ITGA5: variants seen among roughly 807,000 people sequenced by gnomAD.
ITGA5 encodes integrin subunit alpha 5, also known as integrin alpha-5.
A neutral mutation model predicts 146.3 loss-of-function variants in ITGA5; 55 were observed. The observed-to-expected ratio is 0.38, with a 90% CI of 0.30 to 0.47. The LOEUF (loss-of-function observed/expected upper bound fraction) is 0.47. Among genes scored for constraint, ITGA5 ranks in the 20% least tolerant of loss-of-function variants. The pLI is 0.99. For synonymous variants in ITGA5, 500 were observed against 531.8 expected, an observed-to-expected ratio of 0.94 and a Z score of 0.82; for missense variants, 1,131 against 1,329.0, an observed-to-expected ratio of 0.85 and a Z score of 2.32.
At position 54,404,887 on chromosome 12, in the gene ITGA5, G is replaced by A. The variant is rs143802695; in HGVS notation, c.1233C>T (p.Ala411=). The A allele has an allele frequency of 1.3e-5, 20 of 1,574,006 alleles. No homozygotes were observed. The African/African-American group carries it at 2.6e-4, about 20-fold the overall frequency. The change falls in exon 13 of 30, where the codon GCC becomes GCT. Residue 411 remains alanine (A), a synonymous_variant. Coordinates refer to ENST00000293379, the MANE Select transcript of ITGA5 (RefSeq NM_002205.5). ...TCTCCCCACCAAAGGGAGCCCCGAT[G>A]GCCACATCTGGAAGACACAGAACAC... is the stretch of plus-strand genomic sequence containing the variant. ...DLDQDGYNDV[A]IGAPFGGETQ... is the part of the protein sequence containing the mutation.
Position 54,405,888 on chromosome 12 carries a change from G to A in ITGA5, c.945C>T (p.Tyr315=). 1 of 1,614,026 alleles carries A rather than the reference G, an allele frequency of 6.2e-7. No individual in the cohort carries two copies. The highest frequency in any genetic ancestry group is 8.5e-7 in the Non-Finnish European group (1 of 1,179,924). The change falls in exon 10 of 30, where the codon TAC becomes TAT. Residue 315 remains tyrosine (Y), a synonymous_variant. Transcript: ENST00000293379. ...TCCTTACCTGTTCCCCTGAGAAGTTGTAGAGGGATCGAATGTCTGAGCCAT... is the reference window on the plus strand; with the variant it reads ...TCCTTACCTGTTCCCCTGAGAAGTTATAGAGGGATCGAATGTCTGAGCCAT... The part of the protein sequence containing the change: ...ILNGSDIRSL[Y]NFSGEQMASY...
chr12:54,418,997 G>T lies in ITGA5; in HGVS notation c.202C>A (p.Arg68=). The T allele has an allele frequency of 1.5e-5, 24 of 1,602,730 alleles. No homozygotes were observed. Among genetic ancestry groups the T allele is most frequent in the Non-Finnish European group, 2.0e-5 (24 of 1,175,050 alleles). ...CTCACTCACCCGTCTGTTCCCGGCC[G>T]GTAAAACTCCACTGAGAATCCGAAG... ...SFFGFSVEFY[R]PGTDGVSVLV... Residue 68 remains arginine, a synonymous_variant, in exon 1 of 30, where the codon CGG becomes AGG. Transcript: ENST00000293379.
intron 29 of ITGA5, 101 bp from the exon 30 acceptor site, chr12:54,396,477 C>A: frequency 1.1e-6 from 1 of 896,536 alleles, no homozygotes; most frequent in African/African-American, 1.6e-5. Flanking sequence ...TGCCTCCAAC[C>A]TCTACATCCT....
At chr12:54,414,478 C>T (rs951342188) in intron 1 of ITGA5, among the ~76,000 whole-genome samples, 2 of 152,192 alleles carry the variant, frequency 1.3e-5, no homozygotes, top group African/African-American at 4.8e-5. Context: ...ATTATATCAA[C>T]TTATGTGGGA....
Position 54,407,895 on chromosome 12 carries a change from G to T in ITGA5, c.818-19C>A, listed in dbSNP as rs770136821. On this transcript the variant is annotated intron_variant, in intron 7 of 29. Coordinates refer to ENST00000293379, the MANE Select transcript of ITGA5 (RefSeq NM_002205.5). ...GAGTATCCTGGGGGACAGGGTGGGT[G>T]GATGTTAGGATTCCTGCTTTGAGGA... 6.4e-7 allele frequency: 1 copy of T among 1,563,800 alleles called. No individual in the cohort carries two copies. Among genetic ancestry groups the T allele is most frequent in the African/African-American group, 1.4e-5 (1 of 73,840 alleles).
rs1592290929 is a variant in ITGA5, at chr12:54,409,576, G to A, written c.371C>T (p.Ser124Leu). Residue 124 changes from serine (S) to leucine (L), a missense_variant, in exon 3 of 30, where the codon TCA (serine) becomes TTA (leucine). Physicochemically the swap from Ser to Leu is moderately radical, Grantham distance 145. Around this residue, in one of 3 missense-constraint regions of ITGA5, gnomAD observed 175 missense variants for 179.3 expected, o/e 0.98. Coordinates refer to ENST00000293379, the MANE Select transcript of ITGA5 (RefSeq NM_002205.5). This position sits in a 1 kb window ranked among gnomAD's most constrained non-coding sequence, Gnocchi z 4.7. ...CTCCTCTCCCTCTGAGCTGGACAGT[G>A]AGGACTCCAGGAGCCGAGAGCCTTG... ...DSKGSRLLESSLSSSEGEEPV... is the reference protein window; with the variant it reads ...DSKGSRLLESLLSSSEGEEPV... The A allele has an allele frequency of 6.2e-7, 1 of 1,613,244 alleles. No individual in the cohort carries two copies. The highest frequency in any genetic ancestry group is 8.5e-7 in the Non-Finnish European group (1 of 1,179,758).
Position 54,400,834 on chromosome 12 carries a change from T to A in ITGA5, c.2643+12A>T, listed in dbSNP as rs1204817186. The A allele has an allele frequency of 6.2e-7, 1 of 1,613,206 alleles. No individual in the cohort carries two copies. The highest frequency in any genetic ancestry group is 8.5e-7 in the Non-Finnish European group (1 of 1,179,512). On this transcript the variant is annotated intron_variant, in intron 25 of 29. Coordinates refer to ENST00000293379, the MANE Select transcript of ITGA5 (RefSeq NM_002205.5). ...CTGCTCCTCTTCCCCATGCCAGTGT[T>A]CAGGATCTCACCTCCAGGCCCTTTG...
At chr12:54,408,274 T>C (rs748573869) in intron 6 of ITGA5, 39 bp from the exon 7 acceptor site, 1 of 1,609,698 alleles carries the variant, frequency 6.2e-7, no homozygotes. Flanking sequence ...GGAGAGGAAG[T>C]GGCAGAGGGG....
At position 54,408,174 on chromosome 12, in the gene ITGA5, G is replaced by A; in HGVS notation, c.753C>T (p.Ile251=). ...IAESYYPEYL[I]NLVQGQLQTR... ...TCTGCAGCTGCCCCTGAACCAGGTT[G>A]ATCAGGTACTCGGGGTAATAAGATT... The change falls in exon 7 of 30, where the codon ATC becomes ATT. Residue 251 remains isoleucine, a synonymous_variant. Transcript: ENST00000293379. 1 of 1,614,170 alleles carries A rather than the reference G, an allele frequency of 6.2e-7. No individual in the cohort carries two copies. The highest frequency in any genetic ancestry group is 1.1e-5 in the South Asian group (1 of 91,086).
chr12:54,402,182 CT>C lies in ITGA5; in HGVS notation c.2130del (p.Asn712ThrfsTer5). 1 of 1,613,494 alleles carries C rather than the reference CT, an allele frequency of 6.2e-7. No homozygotes were observed. The highest frequency in any genetic ancestry group is 8.5e-7 in the Non-Finnish European group (1 of 1,179,522). On this transcript the variant is annotated frameshift_variant, in exon 20 of 30. Transcript: ENST00000293379. LOFTEE classifies it high-confidence loss of function. ...CCCACTCGAGAGTCTCATCTCACCC[CT>C]GGGTGTCTGACGAGTCCTGAGTACT... ...EAEYSGLVRH[P>X]GNFSSLSCDY...
intron 27 of ITGA5, 144 bp downstream of exon 27, chr12:54,399,501 G>A (rs981934153): frequency 1.5e-6 from 1 of 649,992 alleles, no homozygotes; most frequent in Non-Finnish European, 2.8e-6. Context: ...CATACAGCCT[G>A]GTCTAGACAA....
chr12:54,398,833 C>CT (rs1428509727), intron 27 of ITGA5, 135 bp from the exon 28 acceptor site: 234 of 390,946 alleles, frequency 6.0e-4, no homozygotes, highest in South Asian at 4.1e-3. Flanking sequence ...CTCTCTCTCT[C>CT]TCTTTTTTTT....
intron 7 of ITGA5, 21 bp downstream of exon 7, chr12:54,408,089 C>T (rs760615893): frequency 1.2e-6 from 2 of 1,613,866 alleles, no homozygotes; most frequent in South Asian, 1.1e-5. Context: ...TCTGCCATCC[C>T]TTCCCCACTT....
Position 54,395,972 on chromosome 12 carries a change from T to C in ITGA5, c.*321A>G, listed in dbSNP as rs907283831. 3.9e-6 allele frequency: 1 copy of C among 255,648 alleles called. No homozygotes were observed. The highest frequency in any genetic ancestry group is 7.6e-6 in the Non-Finnish European group (1 of 131,090). 15.8% of individuals were successfully genotyped at this position (255,648 alleles called of 1,614,324 possible). The stretch of plus-strand genomic sequence containing the variant: ...CCCAAAGAACTGTGAATGGATTTCC[T>C]AGTTATCTTTCCAAGTTGTTTCAGG... On this transcript the variant is annotated 3_prime_UTR_variant, in exon 30 of 30. Coordinates refer to ENST00000293379, the MANE Select transcript of ITGA5 (RefSeq NM_002205.5).
chr12:54,404,076 T>A (rs1367741967), intron 15 of ITGA5, 69 bp downstream of exon 15: 2 of 1,564,528 alleles, frequency 1.3e-6, no homozygotes, highest in Middle Eastern at 1.7e-4. Flanking sequence ...TTCCCCTTTT[T>A]AAGGCAGACT....
chr12:54,396,080 G>A lies in ITGA5; in HGVS notation c.*213C>T, dbSNP rs1955704678. 7.4e-6 allele frequency: 4 copies of A among 539,102 alleles called. No homozygotes were observed. The highest frequency in any genetic ancestry group is 3.8e-5 in the African/African-American group (2 of 52,308). 33.4% of individuals were successfully genotyped at this position (539,102 alleles called of 1,614,324 possible). A position where few individuals can be genotyped will look rare whatever the true frequency, so the allele number is the denominator to read the frequency against. ...GTTCCCCCATCCATGAAGAGGGTATGTGTAAACAAGGGTCCTTCACAGTGC... is the reference window on the plus strand; with the variant it reads ...GTTCCCCCATCCATGAAGAGGGTATATGTAAACAAGGGTCCTTCACAGTGC... On this transcript the variant is annotated 3_prime_UTR_variant, in exon 30 of 30. Coordinates refer to ENST00000293379, the MANE Select transcript of ITGA5 (RefSeq NM_002205.5).
Position 54,401,812 on chromosome 12 carries a change from G to A in ITGA5, c.2270C>T (p.Thr757Ile). Residue 757 changes from threonine to isoleucine, a missense_variant, in exon 22 of 30, where the codon ACT becomes ATT. Transcript: ENST00000293379. The surrounding 1 kb of genome is among the most constrained non-coding windows in gnomAD (Gnocchi z 5.0). ...GAAGTCAAACTGGATGGTTTTCTTA[G>A]TGTCCCGGAGATGAGGGACTGTAAA... Reference protein sequence around the residue: ...LRFTVPHLRDTKKTIQFDFQI... With the variant: ...LRFTVPHLRDIKKTIQFDFQI... The A allele has an allele frequency of 3.1e-6, 5 of 1,614,170 alleles. No homozygotes were observed. Among genetic ancestry groups the A allele is most frequent in the Non-Finnish European group, 3.4e-6 (4 of 1,180,034 alleles).
At position 54,407,632 on chromosome 12, in the gene ITGA5, G is replaced by T; in HGVS notation, c.906+17C>A. ...GGCAGGGGAGGAGAGGAAGTGAGGG[G>T]TCAGGCTGGGTCTTACATAGCCGTA... is the stretch of plus-strand genomic sequence containing the variant. On this transcript the variant is annotated intron_variant, in intron 9 of 29. Transcript: ENST00000293379. 1 of 1,606,976 alleles carries T rather than the reference G, an allele frequency of 6.2e-7. No individual in the cohort carries two copies. The highest frequency in any genetic ancestry group is 8.5e-7 in the Non-Finnish European group (1 of 1,173,470).
chr12:54,401,565 C>A lies in ITGA5; in HGVS notation c.2387+20G>T. ...GTCTGTGTCCCCTCTCAGAAAGACCCCATTTTGCCTGGCACTGACCCGTTC... is the reference window on the plus strand; with the variant it reads ...GTCTGTGTCCCCTCTCAGAAAGACCACATTTTGCCTGGCACTGACCCGTTC... On this transcript the variant is annotated intron_variant, in intron 23 of 29. Coordinates refer to ENST00000293379, the MANE Select transcript of ITGA5 (RefSeq NM_002205.5). The surrounding 1 kb of genome is among the most constrained non-coding windows in gnomAD (Gnocchi z 5.0). 1 of 1,613,204 alleles carries A rather than the reference C, an allele frequency of 6.2e-7. No individual in the cohort carries two copies.
Sources: gnomAD v4.1 joint callset for allele counts (sites outside exome capture counted in the v4.1 genomes callset) on GRCh38, gnomAD v4.1.1 for gene constraint, gnomAD v4.1.1 regional missense constraint, Gnocchi (gnomAD v3.1) non-coding constraint, MANE v1.5 for transcripts, NCBI Gene and HGNC (gene_info 2026-07-23, HGNC 2026-07-21) for gene names.